Variants in ST7 observed in about 807,000 individuals in gnomAD.
ST7 encodes the protein suppressor of tumorigenicity 7 protein.
Under a neutral mutation model 78.7 loss-of-function variants are expected in ST7, and 28 were observed. The observed-to-expected ratio is 0.36, with a 90% CI of 0.26 to 0.49. ST7 has a LOEUF of 0.49. Among genes scored for constraint, ST7 ranks in the 20% least tolerant of loss-of-function variants. ST7 has a pLI of 0.99. For synonymous variants in ST7, 247 were observed against 249.6 expected, an observed-to-expected ratio of 0.99 and a Z score of 0.10; for missense variants, 418 against 696.0, an observed-to-expected ratio of 0.60 and a Z score of 4.49.
chr7:116,990,732 AC>A (rs1794388260), intron 1 of ST7, among the ~76,000 whole-genome samples: 5 of 152,274 alleles, frequency 3.3e-5, no homozygotes, highest in South Asian at 2.1e-4. Context: ...CCATCTATAT[AC>A]CTGGCACTGA....
intron 2 of ST7, among the ~76,000 whole-genome samples, chr7:117,116,620 CG>C (rs1186785701): frequency 6.6e-6 from 1 of 152,074 alleles, no homozygotes; most frequent in East Asian, 1.9e-4. Flanking sequence ...ATTAGAAGGA[CG>C]GGGTCCTTTT....
chr7:117,045,447 C>G (rs1434835152), intron 1 of ST7, among the ~76,000 whole-genome samples: 2 of 152,032 alleles, frequency 1.3e-5, no homozygotes, highest in Non-Finnish European at 2.9e-5. Flanking sequence ...TCCCTCTTTC[C>G]GGAATGTTCT....
chr7:117,210,012 T>C, intron 13 of ST7, 75 bp downstream of exon 13: 1 of 1,512,708 alleles, frequency 6.6e-7, no homozygotes, highest in Non-Finnish European at 8.9e-7. Flanking sequence ...CTGTTTATGA[T>C]GAATAATGAA....
chr7:117,071,720 G>A (rs1798973069), intron 1 of ST7, among the ~76,000 whole-genome samples: 1 of 152,188 alleles, frequency 6.6e-6, no homozygotes, highest in African/African-American at 2.4e-5. Context: ...CTCTAACCAG[G>A]TGTTTAAAAA....
intron 2 of ST7, among the ~76,000 whole-genome samples, chr7:117,110,903 A>C (rs1431391657): frequency 6.6e-6 from 1 of 152,114 alleles, no homozygotes; most frequent in Non-Finnish European, 1.5e-5. Flanking sequence ...CTTATGGTAC[A>C]TTTGTCTTGC....
At chr7:116,960,053 G>T (rs1235120900) in intron 1 of ST7, among the ~76,000 whole-genome samples, 1 of 152,048 alleles carries the variant, frequency 6.6e-6, no homozygotes, top group Admixed American at 6.6e-5. Flanking sequence ...CCATTGCATT[G>T]AAAATACAAT....
At chr7:117,136,740 G>A (rs761882717) in intron 8 of ST7, 3 of 155,676 alleles carry the variant, frequency 1.9e-5, no homozygotes, top group Non-Finnish European at 2.8e-5. Flanking sequence ...GAGAGAAAGA[G>A]CCATGAGCTC....
intron 1 of ST7, among the ~76,000 whole-genome samples, chr7:117,035,844 A>AT (rs1412615984): frequency 2.6e-5 from 4 of 151,350 alleles, no homozygotes; most frequent in South Asian, 2.1e-4. Context: ...GAGTGAATAC[A>AT]TTTTTTTGTA....
chr7:117,073,147 A>C (rs1201458815), intron 1 of ST7: 1 of 152,224 alleles, frequency 6.6e-6, no homozygotes, highest in East Asian at 1.9e-4. Flanking sequence ...AGACCTGTAA[A>C]AAAGGCAGAA....
intron 12 of ST7, among the ~76,000 whole-genome samples, chr7:117,194,420 A>G (rs1044139402): frequency 1.3e-5 from 2 of 152,098 alleles, no homozygotes; most frequent in Non-Finnish European, 2.9e-5. Flanking sequence ...CACCACCCCC[A>G]TTAAGAGTCA....
intron 15 of ST7, among the ~76,000 whole-genome samples, chr7:117,227,844 G>T (rs1436671768): frequency 6.6e-6 from 1 of 152,132 alleles, no homozygotes; most frequent in African/African-American, 2.4e-5. Flanking sequence ...AATTTCAGAA[G>T]ATTATCAGAA....
intron 3 of ST7, among the ~76,000 whole-genome samples, chr7:117,120,214 G>A (rs1005536777): frequency 3.3e-5 from 5 of 152,162 alleles, no homozygotes; most frequent in African/African-American, 1.2e-4. Context: ...ACGGGTGTGA[G>A]CCACTGTGCC....
intron 6 of ST7, among the ~76,000 whole-genome samples, chr7:117,132,200 G>T (rs975161261): frequency 6.6e-6 from 1 of 151,602 alleles, no homozygotes; most frequent in African/African-American, 2.4e-5. Context: ...TTTCTTGAAG[G>T]GCTATCCCTA....
At chr7:117,165,668 A>G (rs1807495339) in intron 9 of ST7, among the ~76,000 whole-genome samples, 1 of 152,140 alleles carries the variant, frequency 6.6e-6, no homozygotes, top group Non-Finnish European at 1.5e-5. Flanking sequence ...TCTCAGACTC[A>G]TGGAGAAGAT....
chr7:117,223,897 T>G (rs1303861204), intron 15 of ST7: 1 of 952,466 alleles, frequency 1.0e-6, no homozygotes, highest in African/African-American at 1.8e-5. Context: ...AAATGATTAT[T>G]AAATAAATAA....
chr7:117,059,322 A>G (rs1340942342), intron 1 of ST7, among the ~76,000 whole-genome samples: 2 of 152,184 alleles, frequency 1.3e-5, no homozygotes, highest in Admixed American at 6.5e-5. Flanking sequence ...CATATCTACT[A>G]TGTACCCACA....
intron 10 of ST7, among the ~76,000 whole-genome samples, chr7:117,172,899 GTT>G (rs1808103905): frequency 3.9e-5 from 6 of 152,166 alleles, no homozygotes; most frequent in Non-Finnish European, 8.8e-5. Context: ...ATCTCCATTT[GTT>G]ACAGAAATCA....
chr7:117,110,962 G>A (rs1802384157), intron 2 of ST7, among the ~76,000 whole-genome samples: 1 of 152,176 alleles, frequency 6.6e-6, no homozygotes, highest in Non-Finnish European at 1.5e-5. Flanking sequence ...GAAACTTTGA[G>A]CAAAGGAAAA....
At chr7:116,958,479 G>A (rs1792645113) in intron 1 of ST7, 1 of 320,636 alleles carries the variant, frequency 3.1e-6, no homozygotes, top group Non-Finnish European at 6.5e-6. Context: ...ACATAAAATT[G>A]GATTTCCCTT....
Sources: allele counts gnomAD v4.1 joint callset (sites outside exome capture counted in the v4.1 genomes callset), GRCh38; gene constraint gnomAD v4.1.1; transcripts MANE v1.5; gene names NCBI Gene and HGNC (gene_info 2026-07-23, HGNC 2026-07-21).